PLXNA2: variants seen among roughly 807,000 people sequenced by gnomAD.
The protein encoded by PLXNA2 is plexin-A2.
Under a neutral mutation model 193.5 loss-of-function variants are expected in PLXNA2, and 91 were observed. The ratio of observed to expected loss-of-function variants is 0.47; its 90% CI spans 0.40 to 0.56. PLXNA2 has a LOEUF of 0.56. PLXNA2 is among the 20% of genes least tolerant of loss of function. The pLI is 0.00. For synonymous variants in PLXNA2, 997 were observed against 1,027.3 expected, an observed-to-expected ratio of 0.97 and a Z score of 0.56; for missense variants, 1,995 against 2,503.2, an observed-to-expected ratio of 0.80 and a Z score of 4.33.
rs766042768 is a variant in PLXNA2, at chr1:208,210,233, C to T, written c.1371+47G>A. On this transcript the variant is annotated intron_variant, in intron 3 of 31. Coordinates refer to ENST00000367033, the MANE Select transcript of PLXNA2 (RefSeq NM_025179.4). ...GCTACCTTCCAAGAGGGACTCTTTG[C>T]TGAGGAGGTGAATGGCATTGGAGCA... 5.0e-6 allele frequency: 8 copies of T among 1,590,144 alleles called. No homozygotes were observed. The East Asian group carries it at 1.8e-4, about 36-fold the overall frequency.
intron 3 of PLXNA2, among the ~76,000 whole-genome samples, chr1:208,151,648 T>C (rs1668766412): frequency 6.6e-6 from 1 of 152,248 alleles, no homozygotes; most frequent in Admixed American, 6.5e-5. Flanking sequence ...TGAGCATCTA[T>C]TCTATGTCAA....
At chr1:208,091,804 A>G (rs1173709320) in intron 9 of PLXNA2, among the ~76,000 whole-genome samples, 1 of 147,212 alleles carries the variant, frequency 6.8e-6, no homozygotes, top group African/African-American at 2.5e-5. Flanking sequence ...CGGGAGGCAG[A>G]GGTTGCAGTG....
At chr1:208,097,600 T>G (rs1162734011) in intron 6 of PLXNA2, among the ~76,000 whole-genome samples, 1 of 152,188 alleles carries the variant, frequency 6.6e-6, no homozygotes, top group Non-Finnish European at 1.5e-5. Flanking sequence ...AAGACCCTAC[T>G]TTTAACAGTA....
Position 208,060,803 on chromosome 1 carries a change from G to A in PLXNA2, c.2621C>T (p.Thr874Met), listed in dbSNP as rs955150227. The part of the protein sequence containing the change: ...LTVSGPPEGG[T>M]RVTIHGVNLG... ...GTTCACGCCATGGATGGTCACTCGC[G>A]TCCCTCCTTCCGGCGGTCCAGACAC... The change falls in exon 13 of 32, where the codon ACG becomes ATG. Residue 874 changes from threonine to methionine, a missense_variant. This residue lies in a region of PLXNA2 where 1,291 missense variants were observed against 1,673.6 expected (regional missense o/e 0.77). Coordinates refer to ENST00000367033, the MANE Select transcript of PLXNA2 (RefSeq NM_025179.4). 2 of 1,614,104 alleles carry A rather than the reference G, an allele frequency of 1.2e-6. No individual in the cohort carries two copies. Among genetic ancestry groups the A allele is most frequent in the Non-Finnish European group, 1.7e-6 (2 of 1,180,006 alleles).
chr1:208,243,046 G>A (rs559036953), intron 1 of PLXNA2, among the ~76,000 whole-genome samples: 176 of 152,278 alleles, frequency 1.2e-3, no homozygotes, highest in African/African-American at 4.0e-3. Flanking sequence ...AGCCCCGGGA[G>A]ATGAAACACT....
chr1:208,190,231 C>T (rs956769198), intron 3 of PLXNA2, among the ~76,000 whole-genome samples: 4 of 152,126 alleles, frequency 2.6e-5, no homozygotes, highest in Admixed American at 1.3e-4. Context: ...CACTTACTTA[C>T]GTCATGTTTT....
At chr1:208,228,324 T>C (rs1671574761) in intron 1 of PLXNA2, among the ~76,000 whole-genome samples, 1 of 152,194 alleles carries the variant, frequency 6.6e-6, no homozygotes, top group Non-Finnish European at 1.5e-5. Context: ...TTTTTAGCAC[T>C]GCTCATTTCC....
chr1:208,201,971 G>A (rs7540193), intron 3 of PLXNA2, among the ~76,000 whole-genome samples: 32,039 of 108,052 alleles, frequency 0.3, 4,480 homozygotes, highest in Non-Finnish European at 0.37. Context: ...ATCAGGGCAA[G>A]AATTTTTTTT....
At chr1:208,152,819 C>T (rs943612553) in intron 3 of PLXNA2, among the ~76,000 whole-genome samples, 6 of 144,824 alleles carry the variant, frequency 4.1e-5, no homozygotes, top group African/African-American at 1.6e-4. Context: ...TTTCCAATTG[C>T]ATCCCCAGCT....
rs1166152555 is a variant in PLXNA2 at position 208,196,841 on chromosome 1, T to C, written c.1371+13439A>G. On this transcript the variant is annotated intron_variant, in intron 3 of 31. Transcript: ENST00000367033. ...ATAATGTGGTATTCAGAAGAATGGG[T>C]GGCAAGGGCGGGGGTAGATGTTGGA... Among the ~76,000 whole-genome samples the C allele has an allele frequency of 2.0e-5, 3 of 152,170 alleles. No individual in the cohort carries two copies. The East Asian group carries it at 5.8e-4, about 29-fold the overall frequency.
intron 4 of PLXNA2, among the ~76,000 whole-genome samples, chr1:208,139,200 T>C (rs1036369730): frequency 2.7e-4 from 41 of 152,222 alleles, no homozygotes; most frequent in Non-Finnish European, 3.5e-4. Flanking sequence ...CTATAAGATC[T>C]GAAAGAGACT....
intron 4 of PLXNA2, among the ~76,000 whole-genome samples, chr1:208,107,260 C>T (rs778091893): frequency 9.2e-5 from 14 of 152,178 alleles, no homozygotes; most frequent in Non-Finnish European, 1.6e-4. Context: ...ACTCTCCAAC[C>T]GATTCTTACG....
chr1:208,182,738 A>G lies in PLXNA2; in HGVS notation c.1371+27542T>C, dbSNP rs568984530. Among the ~76,000 whole-genome samples the G allele has an allele frequency of 5.9e-5, 9 of 152,116 alleles. No individual in the cohort carries two copies. The South Asian group carries it at 1.9e-3, about 32-fold the overall frequency. On this transcript the variant is annotated intron_variant, in intron 3 of 31. Coordinates refer to ENST00000367033, the MANE Select transcript of PLXNA2 (RefSeq NM_025179.4). ...AAAGGGGTTTGAAGGGCAGCCTTTC[A>G]GCTGGGCAGAGCTGTGCGGGGAGTT...
intron 10 of PLXNA2, among the ~76,000 whole-genome samples, 156 bp downstream of exon 10, chr1:208,084,224 C>T (rs1482072823): frequency 6.6e-6 from 1 of 152,232 alleles, no homozygotes; most frequent in Non-Finnish European, 1.5e-5. Context: ...TCTGGCTGAG[C>T]GGCTGGGGTG....
In PLXNA2 at chr1:208,081,788, C is replaced by T. The variant is rs561526723; in HGVS notation, c.2395+624G>A. On this transcript the variant is annotated intron_variant, in intron 11 of 31. Transcript: ENST00000367033. Reference sequence around the variant, plus strand: ...ATATTGGAGTCACTTTTATCATTCTCGAGAGCAGGGTGGAATCTTGGCATT... The same window carrying T: ...ATATTGGAGTCACTTTTATCATTCTTGAGAGCAGGGTGGAATCTTGGCATT... Among the ~76,000 whole-genome samples, 12 of 152,234 alleles carry T rather than the reference C, an allele frequency of 7.9e-5. No individual in the cohort carries two copies. The South Asian group carries it at 1.0e-3, about 13-fold the overall frequency.
chr1:208,086,789 C>CA (rs11355579), intron 9 of PLXNA2, among the ~76,000 whole-genome samples: 44,466 of 125,678 alleles, frequency 0.35, 7,960 homozygotes, highest in African/African-American at 0.43. Context: ...TATTTATAGC[C>CA]AAAAAAAAAA....
chr1:208,110,674 G>A (rs890842597), intron 4 of PLXNA2, among the ~76,000 whole-genome samples: 3 of 152,130 alleles, frequency 2.0e-5, no homozygotes, highest in South Asian at 2.1e-4. Flanking sequence ...CTTAAGTAAC[G>A]CAGGTAAGGT....
intron 3 of PLXNA2, among the ~76,000 whole-genome samples, chr1:208,192,819 G>A (rs1030476503): frequency 2.6e-5 from 4 of 152,010 alleles, no homozygotes; most frequent in Non-Finnish European, 4.4e-5. Context: ...CCCAGGAGGT[G>A]GAGGGTGCAG....
At chr1:208,033,182 C>T (rs1664559804) in intron 28 of PLXNA2, 137 bp downstream of exon 28, 4 of 786,028 alleles carry the variant, frequency 5.1e-6, no homozygotes, top group Non-Finnish European at 8.1e-6. Context: ...GGGCATGAGC[C>T]ACCAGGTCTG....
Sources: gnomAD v4.1 joint callset for allele counts (sites outside exome capture counted in the v4.1 genomes callset) on GRCh38, gnomAD v4.1.1 for gene constraint, gnomAD v4.1.1 regional missense constraint, MANE v1.5 for transcripts, NCBI Gene and HGNC (gene_info 2026-07-23, HGNC 2026-07-21) for gene names.